The following ULK4 variants were observed in gnomAD, a reference collection of about 807,000 sequenced individuals.
The protein encoded by ULK4 is inactive serine/threonine-protein kinase ULK4.
Under a neutral mutation model 160.6 loss-of-function variants are expected in ULK4, and 133 were observed. That is an observed-to-expected ratio of 0.83 (90% CI 0.72 to 0.96). The LOEUF is 0.96. Among genes scored for constraint, ULK4 ranks in the 40% least tolerant of loss-of-function variants. The pLI is 0.00. For missense variants in ULK4, 1,580 were observed against 1,499.5 expected (o/e 1.05, Z -0.89); for synonymous variants, 534 against 539.8 (o/e 0.99, Z 0.15).
intron 32 of ULK4, among the ~76,000 whole-genome samples, chr3:41,537,276 A>G (rs1472871327): frequency 6.6e-6 from 1 of 152,014 alleles, no homozygotes; most frequent in Non-Finnish European, 1.5e-5. Flanking sequence ...CACTCTGGAC[A>G]TAGTTTTCTC....
intron 35 of ULK4, among the ~76,000 whole-genome samples, chr3:41,373,413 G>C (rs1348985398): frequency 2.6e-5 from 4 of 152,096 alleles, no homozygotes; most frequent in Non-Finnish European, 4.4e-5. Context: ...AAATGCAAAA[G>C]AATGGAAATG....
At chr3:41,931,470 T>TAAATAAAAAAAAAAAAA (rs55969147) in intron 5 of ULK4, among the ~76,000 whole-genome samples, 1 of 126,976 alleles carries the variant, frequency 7.9e-6, no homozygotes, top group Non-Finnish European at 1.7e-5. Context: ...CCCTAGAACT[T>TAAATAAAAAAAAAAAAA]AAAAAAAAAA....
chr3:41,549,982 G>A (rs772274848), intron 32 of ULK4, among the ~76,000 whole-genome samples: 2 of 151,854 alleles, frequency 1.3e-5, no homozygotes, highest in Non-Finnish European at 2.9e-5. Flanking sequence ...CAAAATGTAA[G>A]ACAAATAAAA....
chr3:41,431,880 C>T (rs1050374377), intron 34 of ULK4, among the ~76,000 whole-genome samples: 1 of 150,324 alleles, frequency 6.7e-6, no homozygotes, highest in Non-Finnish European at 1.5e-5. Flanking sequence ...AGCTCCGCCT[C>T]TCGGGTTCAC....
intron 32 of ULK4, among the ~76,000 whole-genome samples, chr3:41,553,038 T>C (rs549680188): frequency 2.0e-4 from 31 of 151,982 alleles, no homozygotes; most frequent in African/African-American, 6.7e-4. Flanking sequence ...GCTGGGAAAA[T>C]TGGATAGTTA....
chr3:41,442,639 G>A (rs969474793), intron 34 of ULK4, among the ~76,000 whole-genome samples: 2 of 151,958 alleles, frequency 1.3e-5, no homozygotes, highest in African/African-American at 4.8e-5. Flanking sequence ...TGTCACACAG[G>A]CTGGAGTGTA....
At chr3:41,740,381 A>C (rs2038202029) in intron 22 of ULK4, among the ~76,000 whole-genome samples, 1 of 151,926 alleles carries the variant, frequency 6.6e-6, no homozygotes, top group African/African-American at 2.4e-5. Flanking sequence ...ATTTCAGCTC[A>C]CGGCAAACCT....
chr3:41,480,832 AAGG>A (rs1038509841), intron 32 of ULK4, among the ~76,000 whole-genome samples: 2 of 152,142 alleles, frequency 1.3e-5, no homozygotes, highest in African/African-American at 4.8e-5. Flanking sequence ...TGGCAGTGGC[AAGG>A]AGAAGTGCAG....
rs575738823 is a variant in ULK4, at chr3:41,492,044, C to G, written c.3227-28791G>C. On this transcript the variant is annotated intron_variant, in intron 32 of 36. Transcript: ENST00000301831. ...ATGATTTCCAATTTCATCCATGTCCCTACAAAGGACATGAACTCATCATTT... is the reference window on the plus strand; with the variant it reads ...ATGATTTCCAATTTCATCCATGTCCGTACAAAGGACATGAACTCATCATTT... 1.4e-4 allele frequency among the ~76,000 whole-genome samples: 22 copies of G among 151,970 alleles called. No individual in the cohort carries two copies. The South Asian group carries it at 1.5e-3, about 10-fold the overall frequency.
chr3:41,325,082 T>A (rs2080315829), intron 35 of ULK4, among the ~76,000 whole-genome samples: 2 of 152,186 alleles, frequency 1.3e-5, no homozygotes, highest in African/African-American at 4.8e-5. Context: ...GTCCCTGATT[T>A]CTTCACAGTG....
intron 32 of ULK4, among the ~76,000 whole-genome samples, chr3:41,495,678 A>G (rs1232970568): frequency 1.1e-4 from 17 of 151,550 alleles, no homozygotes; most frequent in Non-Finnish European, 2.4e-4. Flanking sequence ...CAACCTACTC[A>G]TCTGACAAAG....
chr3:41,598,075 G>T (rs974335035), intron 31 of ULK4, among the ~76,000 whole-genome samples: 1 of 152,138 alleles, frequency 6.6e-6, no homozygotes, highest in East Asian at 1.9e-4. Context: ...AGGCCCCTTG[G>T]GGGTGAGTGG....
chr3:41,619,969 A>G (rs1344889585), intron 30 of ULK4, among the ~76,000 whole-genome samples: 1 of 152,208 alleles, frequency 6.6e-6, no homozygotes, highest in Non-Finnish European at 1.5e-5. Context: ...CTACCATCAG[A>G]GAATACTACA....
intron 35 of ULK4, among the ~76,000 whole-genome samples, chr3:41,367,416 C>A (rs760459077): frequency 1.3e-5 from 2 of 152,154 alleles, no homozygotes; most frequent in Non-Finnish European, 2.9e-5. Flanking sequence ...TGGTAGAGGG[C>A]GATGGCTCTG....
At chr3:41,918,591 A>AATT in intron 6 of ULK4, 51 bp from the exon 7 acceptor site, 2 of 699,266 alleles carry the variant, frequency 2.9e-6, no homozygotes, top group Non-Finnish European at 4.4e-6. Context: ...TATCACCAAT[A>AATT]ATTCTTTTTT....
chr3:41,358,140 T>C (rs895386966), intron 35 of ULK4, among the ~76,000 whole-genome samples: 4 of 152,178 alleles, frequency 2.6e-5, no homozygotes, highest in African/African-American at 9.7e-5. Flanking sequence ...TACAGGACAT[T>C]GGAGGGCAAA....
chr3:41,608,751 C>G (rs1056796496), intron 31 of ULK4, among the ~76,000 whole-genome samples: 1 of 152,182 alleles, frequency 6.6e-6, no homozygotes, highest in Non-Finnish European at 1.5e-5. Flanking sequence ...GTATCACTTG[C>G]CATGGCCAGA....
intron 30 of ULK4, among the ~76,000 whole-genome samples, chr3:41,620,090 A>G (rs1373559897): frequency 6.6e-6 from 1 of 152,182 alleles, no homozygotes; most frequent in African/African-American, 2.4e-5. Context: ...GAATAGACCA[A>G]TAAGAAGATC....
chr3:41,864,700 G>C (rs2042578227), intron 17 of ULK4, among the ~76,000 whole-genome samples: 1 of 152,146 alleles, frequency 6.6e-6, no homozygotes, highest in Non-Finnish European at 1.5e-5. Context: ...GGTTGCTTGA[G>C]TCCAGGAGCT....
Sources: gnomAD v4.1 joint callset for allele counts (sites outside exome capture counted in the v4.1 genomes callset) on GRCh38, gnomAD v4.1.1 for gene constraint, MANE v1.5 for transcripts, NCBI Gene and HGNC (gene_info 2026-07-23, HGNC 2026-07-21) for gene names.